CACNA1B: variants seen among roughly 807,000 people sequenced by gnomAD.
CACNA1B encodes calcium voltage-gated channel subunit alpha1 B.
CACNA1B carries 70 observed loss-of-function variants against 247.2 expected under a neutral mutation model. The ratio of observed to expected loss-of-function variants is 0.28; its 90% CI spans 0.23 to 0.35. The LOEUF (loss-of-function observed/expected upper bound fraction) is 0.35, where lower values mean the gene tolerates loss of function less well. Among genes scored for constraint, CACNA1B ranks in the 10% least tolerant of loss-of-function variants. The pLI is 1.00. For missense variants in CACNA1B, 2,367 were observed against 3,197.4 expected (o/e 0.74, Z 6.26); for synonymous variants, 1,231 against 1,294.4 (o/e 0.95, Z 1.05).
intron 3 of CACNA1B, among the ~76,000 whole-genome samples, chr9:137,908,940 A>T (rs2133270834): frequency 6.6e-6 from 1 of 150,436 alleles, no homozygotes; most frequent in South Asian, 2.1e-4. Flanking sequence ...TAAATTTTTA[A>T]TTTTTAAAAA....
chr9:137,955,750 C>T lies in CACNA1B; in HGVS notation c.1123C>T (p.Leu375=). Residue 375 remains leucine (L), a synonymous_variant, in exon 8 of 47, where the codon CTG becomes TTG. Transcript: ENST00000371372. The surrounding 1 kb of genome is among the most constrained non-coding windows in gnomAD (Gnocchi z 6.9). ...GGAGAACCGCCGCGCCTTCCTGAAGCTGCGCCGGCAGCAGCAGATCGAGCG... is the reference window on the plus strand; with the variant it reads ...GGAGAACCGCCGCGCCTTCCTGAAGTTGCGCCGGCAGCAGCAGATCGAGCG... The part of the protein sequence containing the change: ...RVENRRAFLK[L]RRQQQIEREL... 6.2e-7 allele frequency: 1 copy of T among 1,613,206 alleles called. No individual in the cohort carries two copies. The highest frequency in any genetic ancestry group is 8.5e-7 in the Non-Finnish European group (1 of 1,179,586).
Position 137,878,237 on chromosome 9 carries a change from CG to C in CACNA1B, c.284+23del. ...GTGGCCATATCCTGCCGGGCGGGGCCGGGCGGGGCCGGGCGGGGACCGGGGT... is the reference window on the plus strand; with the variant it reads ...GTGGCCATATCCTGCCGGGCGGGGCCGGCGGGGCCGGGCGGGGACCGGGGT... On this transcript the variant is annotated intron_variant, in intron 1 of 46. Coordinates refer to ENST00000371372, the MANE Select transcript of CACNA1B (RefSeq NM_000718.4). 3.5e-6 allele frequency: 1 copy of C among 282,972 alleles called. No individual in the cohort carries two copies. The highest frequency in any genetic ancestry group is 5.3e-6 in the Non-Finnish European group (1 of 188,546). The allele number at this position is 282,972 out of a possible 1,614,324, so 17.5% of individuals were successfully genotyped here.
intron 39 of CACNA1B, among the ~76,000 whole-genome samples, chr9:138,106,508 G>T (rs560823305): frequency 9.2e-5 from 14 of 152,228 alleles, no homozygotes; most frequent in Non-Finnish European, 1.9e-4. Flanking sequence ...GGTGGCTCAT[G>T]CCTGTAATCC....
intron 34 of CACNA1B, among the ~76,000 whole-genome samples, chr9:138,074,549 C>G (rs1390659908): frequency 2.0e-5 from 3 of 152,208 alleles, no homozygotes; most frequent in African/African-American, 7.2e-5. Context: ...CCTAAACTTA[C>G]GTAACCCTCA....
At chr9:138,028,080 C>CTGGAGTGCAG (rs987110693) in intron 20 of CACNA1B, among the ~76,000 whole-genome samples, 5 of 125,926 alleles carry the variant, frequency 4.0e-5, no homozygotes, top group African/African-American at 1.2e-4. Context: ...GTCACCCTGG[C>CTGGAGTGCAG]TGGAGTGCAG....
At chr9:137,980,756 G>A (rs532479990) in intron 12 of CACNA1B, among the ~76,000 whole-genome samples, 20 of 152,288 alleles carry the variant, frequency 1.3e-4, no homozygotes, top group African/African-American at 4.3e-4. Flanking sequence ...GAGAACGTGT[G>A]GTATTTGGTG....
At position 137,955,842 on chromosome 9, in the gene CACNA1B, C is replaced by T; in HGVS notation, c.1186+29C>T. 3 of 1,417,766 alleles carry T rather than the reference C, an allele frequency of 2.1e-6. No homozygotes were observed. The highest frequency in any genetic ancestry group is 2.9e-6 in the Non-Finnish European group (3 of 1,017,780). The allele number at this position is 1,417,766 out of a possible 1,614,324, so 87.8% of individuals were successfully genotyped here. On this transcript the variant is annotated intron_variant, in intron 8 of 46. Coordinates refer to ENST00000371372, the MANE Select transcript of CACNA1B (RefSeq NM_000718.4). This position sits in a 1 kb window ranked among gnomAD's most constrained non-coding sequence, Gnocchi z 6.9. ...AGGGCCCGTGGGAGCCACTGCACTC[C>T]TGGCCGGCCACTGTTAGTTCTCTGT...
intron 10 of CACNA1B, among the ~76,000 whole-genome samples, chr9:137,969,762 C>T (rs554293722): frequency 5.3e-5 from 8 of 152,278 alleles, no homozygotes; most frequent in Admixed American, 2.0e-4. Flanking sequence ...TCCTGTGTTC[C>T]TGCACAACTG....
At position 137,960,915 on chromosome 9, in the gene CACNA1B, A is replaced by G. The variant is rs538341879; in HGVS notation, c.1333+3228A>G. On this transcript the variant is annotated intron_variant, in intron 10 of 46. Coordinates refer to ENST00000371372, the MANE Select transcript of CACNA1B (RefSeq NM_000718.4). ...AATAATAGTCATTCTGATTGGGGTG[A>G]GATGATATCTCATTTTGGTTTTGAT... 1.1e-4 allele frequency among the ~76,000 whole-genome samples: 17 copies of G among 152,126 alleles called. 1 individual carries two copies. The South Asian group carries it at 3.1e-3, about 28-fold the overall frequency.
Position 138,121,458 on chromosome 9 carries a change from T to C in CACNA1B, c.6490-11T>C. On this transcript the variant is annotated splice_polypyrimidine_tract_variant and intron_variant, in intron 46 of 46. Transcript: ENST00000371372. This position sits in a 1 kb window ranked among gnomAD's most constrained non-coding sequence, Gnocchi z 6.8. The stretch of plus-strand genomic sequence containing the variant: ...TTTACCTCTGATTTGTTCTGGTCCA[T>C]TTTCATGTAGGGCAGTGGTTCCGTG... 7.0e-7 allele frequency: 1 copy of C among 1,425,300 alleles called. No individual in the cohort carries two copies. The highest frequency in any genetic ancestry group is 9.5e-7 in the Non-Finnish European group (1 of 1,057,936). 88.3% of individuals were successfully genotyped at this position (1,425,300 alleles called of 1,614,324 possible). A position where few individuals can be genotyped will look rare whatever the true frequency, so the allele number is the denominator to read the frequency against.
chr9:137,903,137 A>T (rs1957258111), intron 3 of CACNA1B, among the ~76,000 whole-genome samples: 1 of 152,134 alleles, frequency 6.6e-6, no homozygotes, highest in Non-Finnish European at 1.5e-5. Flanking sequence ...TAATTCCAGC[A>T]CTTTGGGAGG....
chr9:137,998,223 A>T (rs1958522042), intron 15 of CACNA1B, among the ~76,000 whole-genome samples: 1 of 152,178 alleles, frequency 6.6e-6, no homozygotes, highest in Non-Finnish European at 1.5e-5. Flanking sequence ...GGTTTGTTAA[A>T]TTATTCATTG....
chr9:138,030,655 C>T (rs1958977608), intron 20 of CACNA1B, among the ~76,000 whole-genome samples: 1 of 152,116 alleles, frequency 6.6e-6, no homozygotes, highest in Non-Finnish European at 1.5e-5. Context: ...TTATGTTGAA[C>T]TGATATTAAT....
intron 36 of CACNA1B, among the ~76,000 whole-genome samples, chr9:138,084,973 A>G (rs1430847759): frequency 6.6e-6 from 1 of 150,454 alleles, no homozygotes; most frequent in South Asian, 2.1e-4. Context: ...AAAAAAAGCA[A>G]GGAAATCTGA....
chr9:137,881,530 G>C lies in CACNA1B; in HGVS notation c.391-1214G>C, dbSNP rs1439114672. Reference sequence around the variant, plus strand: ...GTCCTGAAGACGAACCCTCAGGGGAGGCCCTTGAAGCTGGTCTCCTCTCCC... The same window carrying C: ...GTCCTGAAGACGAACCCTCAGGGGACGCCCTTGAAGCTGGTCTCCTCTCCC... On this transcript the variant is annotated intron_variant, in intron 2 of 46. Coordinates refer to ENST00000371372, the MANE Select transcript of CACNA1B (RefSeq NM_000718.4). This position sits in a 1 kb window ranked among gnomAD's most constrained non-coding sequence, Gnocchi z 4.3. 6.6e-6 allele frequency among the ~76,000 whole-genome samples: 1 copy of C among 152,140 alleles called. No homozygotes were observed. Among genetic ancestry groups the C allele is most frequent in the African/African-American group, 2.4e-5 (1 of 41,434 alleles).
At chr9:137,889,294 G>A (rs368890973) in intron 3 of CACNA1B, among the ~76,000 whole-genome samples, 1 of 150,124 alleles carries the variant, frequency 6.7e-6, no homozygotes, top group Non-Finnish European at 1.5e-5. Flanking sequence ...GCAGCACCCC[G>A]ACCTCCAGTG....
At chr9:137,968,785 A>G (rs918510700) in intron 10 of CACNA1B, among the ~76,000 whole-genome samples, 3 of 152,220 alleles carry the variant, frequency 2.0e-5, no homozygotes, top group Non-Finnish European at 2.9e-5. Context: ...AAATCTAAGT[A>G]TTTGCAGCAG....
At chr9:138,101,686 C>A (rs749695725) in intron 37 of CACNA1B, among the ~76,000 whole-genome samples, 6 of 152,226 alleles carry the variant, frequency 3.9e-5, no homozygotes, top group Non-Finnish European at 8.8e-5. Flanking sequence ...AAAGACAAGC[C>A]GTCCTGCTTT....
intron 41 of CACNA1B, 102 bp from the exon 42 acceptor site, chr9:138,115,450 C>A (rs1961818778): frequency 1.6e-6 from 2 of 1,283,560 alleles, no homozygotes; most frequent in Non-Finnish European, 2.1e-6. Flanking sequence ...TGGGCTTGAA[C>A]ATGACCTGGC....
Sources: allele counts gnomAD v4.1 joint callset (sites outside exome capture counted in the v4.1 genomes callset), GRCh38; gene constraint gnomAD v4.1.1; non-coding constraint Gnocchi (gnomAD v3.1); transcripts MANE v1.5; gene names NCBI Gene and HGNC (gene_info 2026-07-23, HGNC 2026-07-21).